HYDIN: variants seen among roughly 807,000 people sequenced by gnomAD.
The protein encoded by HYDIN is axonemal central pair apparatus protein HYDIN.
Under a neutral mutation model 403.9 loss-of-function variants are expected in HYDIN, and 132 were observed. The observed-to-expected ratio is 0.33, with a 90% confidence interval of 0.28 to 0.38. The LOEUF (loss-of-function observed/expected upper bound fraction) is 0.38, where lower values mean the gene tolerates loss of function less well. Ranked by LOEUF, HYDIN falls within the 10% of genes least tolerant of loss-of-function variation. HYDIN has a pLI of 1.00. For missense variants in HYDIN, 2,827 were observed against 5,009.5 expected (o/e 0.56, Z 13.15); for synonymous variants, 1,202 against 1,891.7 (o/e 0.64, Z 9.46).
intron 13 of HYDIN, among the ~76,000 whole-genome samples, chr16:71,076,495 A>G (rs917825109): frequency 1.7e-5 from 2 of 117,282 alleles, no homozygotes; most frequent in African/African-American, 9.0e-5. Flanking sequence ...CCAGTGCCTC[A>G]GTGCCCCCCA....
chr16:70,991,489 C>T (rs1229865084), intron 24 of HYDIN, 93 bp from the exon 25 acceptor site: 1 of 1,558,870 alleles, frequency 6.4e-7, no homozygotes, highest in Non-Finnish European at 8.7e-7. Context: ...CCTCTTCTCC[C>T]TCTACCACAC....
chr16:71,014,318 A>G (rs1379135937), intron 23 of HYDIN, among the ~76,000 whole-genome samples: 1 of 99,428 alleles, frequency 1.0e-5, no homozygotes, highest in Non-Finnish European at 1.8e-5. Context: ...AACTTCTCCC[A>G]CCCAGTGAGG....
rs1273750790 is a variant in HYDIN, at chr16:70,828,845, A to G, written c.14113-416T>C. On this transcript the variant is annotated intron_variant, in intron 81 of 85. Coordinates refer to ENST00000393567, the MANE Select transcript of HYDIN (RefSeq NM_001270974.2). The stretch of plus-strand genomic sequence containing the variant: ...GAAAAATGCTACTGCTATACCGTAA[A>G]GTGAAAACAAACTGAATGTAAAATT... Among the ~76,000 whole-genome samples the G allele has an allele frequency of 2.6e-5, 4 of 151,106 alleles. No homozygotes were observed. In the East Asian group the frequency reaches 7.8e-4, roughly 29 times the overall value.
At chr16:71,195,646 G>A (rs1248219338) in intron 1 of HYDIN, among the ~76,000 whole-genome samples, 1 of 152,016 alleles carries the variant, frequency 6.6e-6, no homozygotes, top group Non-Finnish European at 1.5e-5. Context: ...TTTTAAAACT[G>A]GATTATTTCA....
At position 70,894,429 on chromosome 16, in the gene HYDIN, T is replaced by A. The variant is rs746495574; in HGVS notation, c.9248+20A>T. On this transcript the variant is annotated intron_variant, in intron 55 of 85. Coordinates refer to ENST00000393567, the MANE Select transcript of HYDIN (RefSeq NM_001270974.2). ...CCACGGCGGACTTGATGGCCTTACA[T>A]CTGATGGGATTCCAGTTACCTGAAC... The A allele has an allele frequency of 8.1e-6, 13 of 1,607,506 alleles. No individual in the cohort carries two copies. In the East Asian group the frequency reaches 2.5e-4, roughly 30 times the overall value.
chr16:70,960,305 T>C (rs1285074363), intron 38 of HYDIN, among the ~76,000 whole-genome samples: 2 of 151,056 alleles, frequency 1.3e-5, no homozygotes, highest in South Asian at 2.1e-4. Context: ...CAAGTTGTAT[T>C]GGAACATAGC....
intron 36 of HYDIN, among the ~76,000 whole-genome samples, chr16:70,965,244 T>C (rs542655971): frequency 2.2e-4 from 34 of 152,364 alleles, no homozygotes; most frequent in African/African-American, 7.9e-4. Flanking sequence ...TGACAATTCA[T>C]TCTTACCAAC....
intron 23 of HYDIN, among the ~76,000 whole-genome samples, chr16:71,000,260 A>C (rs1247065034): frequency 1.3e-5 from 2 of 151,468 alleles, no homozygotes; most frequent in Non-Finnish European, 2.9e-5. Context: ...GCTCACATTG[A>C]ATCTCTGGAA....
At chr16:71,198,360 T>C (rs1240448612) in intron 1 of HYDIN, among the ~76,000 whole-genome samples, 1 of 152,186 alleles carries the variant, frequency 6.6e-6, no homozygotes, top group African/African-American at 2.4e-5. Flanking sequence ...ACAAAGGTAA[T>C]CAGAGTCTAT....
chr16:71,062,477 C>A, intron 16 of HYDIN, 144 bp from the exon 17 acceptor site: 1 of 592,516 alleles, frequency 1.7e-6, no homozygotes, highest in Non-Finnish European at 2.9e-6. Flanking sequence ...GATGAGCACC[C>A]CAATTCGGCC....
chr16:71,186,761 C>T lies in HYDIN; in HGVS notation c.135G>A (p.Met45Ile). 1.2e-6 allele frequency: 2 copies of T among 1,610,638 alleles called. No homozygotes were observed. Among genetic ancestry groups the T allele is most frequent in the Non-Finnish European group, 1.7e-6 (2 of 1,178,044 alleles). Residue 45 changes from methionine (M) to isoleucine (I), a missense_variant and splice_region_variant, in exon 2 of 86, where the codon ATG (methionine) becomes ATA (isoleucine). Transcript: ENST00000393567. ...ACATATTAATTCCCGGATACATTAC[C>T]ATTCGGTTTACTTCTTCTTCTGTAA... ...KVVTEEEVNR[M>I]LTPSEFLKEM...
At chr16:71,191,409 G>A (rs138898377) in intron 1 of HYDIN, among the ~76,000 whole-genome samples, 6 of 151,992 alleles carry the variant, frequency 3.9e-5, no homozygotes, top group African/African-American at 4.8e-5. Flanking sequence ...AAAAATGCGC[G>A]TGTTTGCGTT....
rs1394264377 is a variant in HYDIN, at chr16:71,098,419, G to T, written c.1328-4484C>A. Among the ~76,000 whole-genome samples, 4 of 151,652 alleles carry T rather than the reference G, an allele frequency of 2.6e-5. No individual in the cohort carries two copies. The East Asian group carries it at 7.7e-4, about 29-fold the overall frequency. On this transcript the variant is annotated intron_variant, in intron 10 of 85. Transcript: ENST00000393567. Reference sequence around the variant, plus strand: ...GGGCTTCACCGTGTTAGCCAGGATGGTCTCGATCTCCCAACCTCAAGATCC... The same window carrying T: ...GGGCTTCACCGTGTTAGCCAGGATGTTCTCGATCTCCCAACCTCAAGATCC...
rs768973615 is a variant in HYDIN, at chr16:71,186,787, C to A, written c.109G>T (p.Val37Phe). 1.2e-6 allele frequency: 2 copies of A among 1,613,124 alleles called. No individual in the cohort carries two copies. The highest frequency in any genetic ancestry group is 2.7e-5 in the African/African-American group (2 of 74,988). Reference sequence around the variant, plus strand: ...ATTCGGTTTACTTCTTCTTCTGTAACCACCTTTGGACTCAGGGGTGGCAAA... The same window carrying A: ...ATTCGGTTTACTTCTTCTTCTGTAAACACCTTTGGACTCAGGGGTGGCAAA... ...KVLPPLSPKV[V>F]TEEEVNRMLT... Residue 37 changes from valine (V) to phenylalanine (F), a missense_variant, in exon 2 of 86, where the codon GTT becomes TTT. Val to Phe is a conservative substitution (Grantham distance 50). Transcript: ENST00000393567.
intron 18 of HYDIN, among the ~76,000 whole-genome samples, chr16:71,035,970 C>T (rs2081071730): frequency 1.3e-5 from 2 of 150,072 alleles, no homozygotes; most frequent in Admixed American, 1.3e-4. Flanking sequence ...TCAATGCAGC[C>T]TAACCCCAGT....
At chr16:71,219,042 A>C (rs1483505842) in intron 1 of HYDIN, among the ~76,000 whole-genome samples, 1 of 152,220 alleles carries the variant, frequency 6.6e-6, no homozygotes, top group African/African-American at 2.4e-5. Context: ...CATCAATAAA[A>C]ATAGCTTAAC....
At chr16:70,910,607 G>C (rs2076670237) in intron 47 of HYDIN, among the ~76,000 whole-genome samples, 1 of 144,656 alleles carries the variant, frequency 6.9e-6, no homozygotes, top group Non-Finnish European at 1.5e-5. Flanking sequence ...GCAGTATCTA[G>C]ATCCAGATCT....
chr16:71,184,370 A>T (rs1438701229), intron 3 of HYDIN, among the ~76,000 whole-genome samples: 1 of 152,152 alleles, frequency 6.6e-6, no homozygotes, highest in Non-Finnish European at 1.5e-5. Flanking sequence ...CCTGGAAGGT[A>T]TGGTTTACAT....
intron 12 of HYDIN, among the ~76,000 whole-genome samples, chr16:71,081,475 G>GA (rs1230101805): frequency 1.3e-5 from 2 of 151,824 alleles, no homozygotes; most frequent in Non-Finnish European, 2.9e-5. Context: ...TGCTTCACTT[G>GA]AAAAAAAGCT....
Sources: allele counts gnomAD v4.1 joint callset (sites outside exome capture counted in the v4.1 genomes callset), GRCh38; gene constraint gnomAD v4.1.1; transcripts MANE v1.5; gene names NCBI Gene and HGNC (gene_info 2026-07-23, HGNC 2026-07-21).